The following IKBKB variants were observed in gnomAD, a reference collection of about 807,000 sequenced individuals.
IKBKB encodes inhibitor of nuclear factor kappa-B kinase subunit beta.
In IKBKB, 42 loss-of-function variants were observed where a neutral mutation model predicts 113.6. The ratio of observed to expected loss-of-function variants is 0.37; its 90% CI spans 0.29 to 0.48. The LOEUF (loss-of-function observed/expected upper bound fraction) is 0.48. Among genes scored for constraint, IKBKB ranks in the 20% least tolerant of loss-of-function variants. The pLI is 0.99. For missense variants in IKBKB, 673 were observed against 939.7 expected (o/e 0.72, Z 3.71); for synonymous variants, 296 against 361.3 (o/e 0.82, Z 2.05).
In IKBKB at chr8:42,331,318, G is replaced by A; in HGVS notation, c.*339G>A. 1 of 702,678 alleles carries A rather than the reference G, an allele frequency of 1.4e-6. No homozygotes were observed. Among genetic ancestry groups the A allele is most frequent in the Non-Finnish European group, 2.6e-6 (1 of 385,060 alleles). 43.5% of individuals were successfully genotyped at this position (702,678 alleles called of 1,614,324 possible). A position where few individuals can be genotyped will look rare whatever the true frequency, so the allele number is the denominator to read the frequency against. On this transcript the variant is annotated 3_prime_UTR_variant, in exon 22 of 22. Transcript: ENST00000520810. ...CACAAACGTTCAGGGGTACAGCCAT[G>A]GCAGCTCCTTCCTCTGCCGTGAGAA...
chr8:42,315,054 AGG>A (rs1818417270), intron 9 of IKBKB, among the ~76,000 whole-genome samples: 1 of 152,194 alleles, frequency 6.6e-6, no homozygotes, highest in African/African-American at 2.4e-5. Context: ...AGTCCTTTTA[AGG>A]GTAGGGAATT....
chr8:42,319,647 G>A lies in IKBKB; in HGVS notation c.1578+1G>A. The A allele has an allele frequency of 6.3e-7, 1 of 1,585,282 alleles. No homozygotes were observed. Among genetic ancestry groups the A allele is most frequent in the Middle Eastern group, 1.9e-4 (1 of 5,260 alleles). On this transcript the variant is annotated splice_donor_variant, in intron 15 of 21. Transcript: ENST00000520810. LOFTEE classifies it high-confidence loss of function. ...GCAGGCTGTGGAGCTCTGTGGGCGG[G>A]TAGGAGACTCATTTTGGGTTTCGGA...
intron 2 of IKBKB, among the ~76,000 whole-genome samples, chr8:42,283,430 C>G (rs567214687): frequency 3.3e-5 from 5 of 152,286 alleles, no homozygotes; most frequent in African/African-American, 1.2e-4. Flanking sequence ...AGAGATTGGC[C>G]TGGCTTCCCT....
In IKBKB at chr8:42,316,490, C is replaced by T; in HGVS notation, c.930+151C>T. The T allele has an allele frequency of 9.8e-7, 1 of 1,021,960 alleles. No homozygotes were observed. The highest frequency in any genetic ancestry group is 1.4e-6 in the Non-Finnish European group (1 of 706,438). The allele number at this position is 1,021,960 out of a possible 1,614,324, so 63.3% of individuals were successfully genotyped here. A position where few individuals can be genotyped will look rare whatever the true frequency, so the allele number is the denominator to read the frequency against. ...TCTTTCTGCATAAGTAAAGAAAGGA[C>T]AGTTGTGCTAATTGACATTGGCTAT... On this transcript the variant is annotated intron_variant, in intron 10 of 21. Coordinates refer to ENST00000520810, the MANE Select transcript of IKBKB (RefSeq NM_001556.3). This position sits in a 1 kb window ranked among gnomAD's most constrained non-coding sequence, Gnocchi z 4.5.
intron 2 of IKBKB, among the ~76,000 whole-genome samples, chr8:42,284,887 C>T (rs1190800407): frequency 2.9e-5 from 4 of 138,562 alleles, no homozygotes; most frequent in Non-Finnish European, 6.2e-5. Context: ...GACAGAGTCT[C>T]ACTCTGTCAC....
chr8:42,325,270 T>G (rs1276938971), intron 19 of IKBKB: 6 of 985,428 alleles, frequency 6.1e-6, no homozygotes, highest in African/African-American at 1.7e-5. Context: ...AGTCAGGGTG[T>G]CCTTGTTTCT....
intron 3 of IKBKB, 38 bp downstream of exon 3, chr8:42,288,766 G>GAGC: frequency 6.6e-7 from 1 of 1,504,636 alleles, no homozygotes; most frequent in Non-Finnish European, 9.1e-7. Context: ...GGGAAAGCTG[G>GAGC]AGCAGCAGCC....
At chr8:42,318,492 T>C (rs1819125364) in intron 12 of IKBKB, 60 bp from the exon 13 acceptor site, 4 of 1,580,286 alleles carry the variant, frequency 2.5e-6, no homozygotes, top group Non-Finnish European at 3.5e-6. Context: ...CAGGATATGG[T>C]TAATTGTAGG....
At chr8:42,308,480 T>C (rs1402529884) in intron 7 of IKBKB, among the ~76,000 whole-genome samples, 1 of 152,054 alleles carries the variant, frequency 6.6e-6, no homozygotes, top group African/African-American at 2.4e-5. Context: ...GTATTTTTAG[T>C]AGAGACGGGG....
Position 42,329,145 on chromosome 8 carries a change from A to C in IKBKB, c.2136A>C (p.Ala712=). ...TTAGTGAAGAACTGGTGGCTGAAGC[A>C]CATAACCTCTGCACCCTGCTAGAAA... is the stretch of plus-strand genomic sequence containing the variant. ...AKKSEELVAE[A]HNLCTLLENA... The change falls in exon 21 of 22, where the codon GCA becomes GCC. Residue 712 remains alanine (A), a synonymous_variant. Coordinates refer to ENST00000520810, the MANE Select transcript of IKBKB (RefSeq NM_001556.3). 3.1e-6 allele frequency: 5 copies of C among 1,604,690 alleles called. No homozygotes were observed. The South Asian group carries it at 5.6e-5, about 18-fold the overall frequency.
At chr8:42,290,650 C>T (rs963575072) in intron 4 of IKBKB, among the ~76,000 whole-genome samples, 1 of 152,228 alleles carries the variant, frequency 6.6e-6, no homozygotes, top group East Asian at 1.9e-4. Flanking sequence ...TGCCACTGCT[C>T]TCCTTATTAG....
intron 2 of IKBKB, among the ~76,000 whole-genome samples, chr8:42,277,383 A>G (rs1033702625): frequency 2.0e-5 from 3 of 151,876 alleles, no homozygotes; most frequent in Non-Finnish European, 4.4e-5. Context: ...GGGTTTCACC[A>G]TGCTGGCCAG....
chr8:42,308,236 A>G (rs1281897852), intron 7 of IKBKB, among the ~76,000 whole-genome samples: 1 of 148,936 alleles, frequency 6.7e-6, no homozygotes, highest in African/African-American at 2.5e-5. Context: ...GCCTTAAGCT[A>G]GTTTTCAATA....
chr8:42,322,171 C>A lies in IKBKB; in HGVS notation c.1838+18C>A. 6.2e-7 allele frequency: 1 copy of A among 1,605,596 alleles called. No homozygotes were observed. The highest frequency in any genetic ancestry group is 2.2e-5 in the East Asian group (1 of 44,796). On this transcript the variant is annotated intron_variant, in intron 18 of 21. Transcript: ENST00000520810. ...CAGCTCAGGTATGAGCCCCGACCTT[C>A]CTGCTCTGGAGGAAGGACTGGGAGA...
At position 42,298,295 on chromosome 8, in the gene IKBKB, A is replaced by G; in HGVS notation, c.388+4783A>G. On this transcript the variant is annotated intron_variant, in intron 5 of 21. Transcript: ENST00000520810. ...GGAATCAGCCTTTCCTGGATTCTGC[A>G]GGTGGCCAGTCTGCTGTGGTGACAC... 3.0e-6 allele frequency: 3 copies of G among 985,386 alleles called. No homozygotes were observed. In the South Asian group the frequency reaches 1.4e-4, roughly 46 times the overall value. The allele number at this position is 985,386 out of a possible 1,614,324, so 61.0% of individuals were successfully genotyped here.
At chr8:42,287,308 G>T (rs954166711) in intron 2 of IKBKB, among the ~76,000 whole-genome samples, 2 of 152,266 alleles carry the variant, frequency 1.3e-5, no homozygotes, top group African/African-American at 4.8e-5. Flanking sequence ...CTCGATAGAG[G>T]TTAAAGCCCA....
At chr8:42,278,393 G>A (rs150744026) in intron 2 of IKBKB, among the ~76,000 whole-genome samples, 4 of 152,286 alleles carry the variant, frequency 2.6e-5, no homozygotes, top group Non-Finnish European at 4.4e-5. Context: ...AGAGGGAGGC[G>A]CTGTGCCCAT....
intron 8 of IKBKB, among the ~76,000 whole-genome samples, chr8:42,310,142 TC>T (rs1424130217): frequency 7.2e-5 from 11 of 152,158 alleles, no homozygotes; most frequent in Admixed American, 7.2e-4. Context: ...AAATGAATAT[TC>T]CCCCAAATCA....
intron 5 of IKBKB, among the ~76,000 whole-genome samples, chr8:42,299,294 G>C (rs1330802332): frequency 6.6e-6 from 1 of 152,140 alleles, no homozygotes; most frequent in East Asian, 1.9e-4. Context: ...CTGATTCAAT[G>C]TCAGAGCAAA....
Sources: allele counts gnomAD v4.1 joint callset (sites outside exome capture counted in the v4.1 genomes callset), GRCh38; gene constraint gnomAD v4.1.1; non-coding constraint Gnocchi (gnomAD v3.1); transcripts MANE v1.5; gene names NCBI Gene and HGNC (gene_info 2026-07-23, HGNC 2026-07-21).